The following LGR6 variants were observed in gnomAD, a reference collection of about 807,000 sequenced individuals.
LGR6 encodes leucine rich repeat containing G protein-coupled receptor 6.
A neutral mutation model predicts 69.4 loss-of-function variants in LGR6; 45 were observed. The ratio of observed to expected loss-of-function variants is 0.65; its 90% CI spans 0.51 to 0.83. The LOEUF (loss-of-function observed/expected upper bound fraction) is 0.83. LGR6 is among the 40% of genes least tolerant of loss of function. The probability of loss-of-function intolerance (pLI) is 0.00; values close to 1 mark genes in which losing one functional copy is unlikely to be tolerated. For synonymous variants in LGR6, 538 were observed against 555.0 expected, an observed-to-expected ratio of 0.97 and a Z score of 0.43; for missense variants, 1,108 against 1,246.7, an observed-to-expected ratio of 0.89 and a Z score of 1.68.
chr1:202,318,968 C>T lies in LGR6; in HGVS notation c.2665C>T (p.Pro889Ser). ...ILEASEAGRP[P>S]GLETYGFPSV... ...GGAAGCTTCTGAAGCTGGGCGGCCC[C>T]CTGGGCTGGAGACCTATGGCTTCCC... is the stretch of plus-strand genomic sequence containing the variant. The change falls in exon 18 of 18, where the codon CCT (proline) becomes TCT (serine). Residue 889 changes from proline to serine, a missense_variant. Physicochemically the swap from Pro to Ser is moderately conservative, Grantham distance 74 (BLOSUM62 -1). Coordinates refer to ENST00000367278, the MANE Select transcript of LGR6 (RefSeq NM_001017403.2). 1 of 1,613,784 alleles carries T rather than the reference C, an allele frequency of 6.2e-7. No individual in the cohort carries two copies. Among genetic ancestry groups the T allele is most frequent in the Non-Finnish European group, 8.5e-7 (1 of 1,179,812 alleles).
chr1:202,302,105 T>C (rs1667645843), intron 9 of LGR6, among the ~76,000 whole-genome samples: 1 of 152,156 alleles, frequency 6.6e-6, no homozygotes, highest in Non-Finnish European at 1.5e-5. Flanking sequence ...GGCAGGAGAA[T>C]TGCTTGAACC....
chr1:202,204,208 T>C (rs1192284829), intron 1 of LGR6, among the ~76,000 whole-genome samples: 1 of 131,004 alleles, frequency 7.6e-6, no homozygotes, highest in African/African-American at 2.8e-5. Flanking sequence ...AGACACCTCC[T>C]TCAAGCACAC....
chr1:202,304,671 C>G, intron 11 of LGR6, 41 bp downstream of exon 11: 1 of 1,518,198 alleles, frequency 6.6e-7, no homozygotes, highest in Non-Finnish European at 9.1e-7. Flanking sequence ...GCATTGTGCC[C>G]CTACCCCCAT....
At chr1:202,258,442 T>A (rs1663959927) in intron 4 of LGR6, among the ~76,000 whole-genome samples, 1 of 152,032 alleles carries the variant, frequency 6.6e-6, no homozygotes, top group African/African-American at 2.4e-5. Flanking sequence ...CCTACAAGAT[T>A]TATTATTTCT....
intron 4 of LGR6, among the ~76,000 whole-genome samples, chr1:202,275,698 A>C (rs1665487908): frequency 6.6e-6 from 1 of 152,192 alleles, no homozygotes; most frequent in South Asian, 2.1e-4. Flanking sequence ...GATGGGTGAC[A>C]GGGAAGGGCT....
chr1:202,315,914 G>T (rs547143537), intron 17 of LGR6, among the ~76,000 whole-genome samples: 2 of 152,196 alleles, frequency 1.3e-5, no homozygotes, highest in Admixed American at 6.5e-5. Context: ...CCAGTAATCA[G>T]CAGGGATGAG....
At chr1:202,205,220 A>C (rs188468067) in intron 1 of LGR6, among the ~76,000 whole-genome samples, 98 of 20,340 alleles carry the variant, frequency 4.8e-3, no homozygotes, top group Non-Finnish European at 6.9e-3. Context: ...ACACACACAC[A>C]CCCTCCAAAC....
At chr1:202,196,910 G>A in intron 1 of LGR6, 1 of 426,670 alleles carries the variant, frequency 2.3e-6, no homozygotes, top group Non-Finnish European at 4.8e-6. Context: ...TGGGGACTTG[G>A]AGCCCAACCA....
chr1:202,274,931 A>C (rs1162097706), intron 4 of LGR6, among the ~76,000 whole-genome samples: 2 of 152,192 alleles, frequency 1.3e-5, no homozygotes, highest in Non-Finnish European at 2.9e-5. Context: ...CCAAGACTTC[A>C]GTGTTGGCCT....
intron 13 of LGR6, 51 bp downstream of exon 13, chr1:202,306,990 T>A: frequency 6.9e-7 from 1 of 1,447,244 alleles, no homozygotes; most frequent in Non-Finnish European, 9.7e-7. Context: ...CGTGTCCCTC[T>A]GCTAGGCATG....
intron 4 of LGR6, among the ~76,000 whole-genome samples, chr1:202,251,381 A>G (rs1663229075): frequency 6.6e-6 from 1 of 152,240 alleles, no homozygotes; most frequent in Admixed American, 6.5e-5. Flanking sequence ...CTATATGAGG[A>G]TGATCTATGT....
chr1:202,213,793 AAAC>A (rs1311833599), intron 1 of LGR6, among the ~76,000 whole-genome samples: 1 of 152,148 alleles, frequency 6.6e-6, no homozygotes, highest in Non-Finnish European at 1.5e-5. Context: ...GTCCAATATC[AAAC>A]AACTGCTAAG....
chr1:202,281,954 G>A (rs376949639), intron 6 of LGR6, among the ~76,000 whole-genome samples: 25 of 152,324 alleles, frequency 1.6e-4, no homozygotes, highest in Admixed American at 2.6e-4. Context: ...CTGGGCTAAT[G>A]GCATTTGTGG....
At chr1:202,306,698 C>A in intron 12 of LGR6, 170 bp from the exon 13 acceptor site, 2 of 683,924 alleles carry the variant, frequency 2.9e-6, no homozygotes, top group Non-Finnish European at 5.1e-6. Context: ...CCAAGGCAAC[C>A]GGATCCCCTT....
At chr1:202,273,106 G>C (rs536204478) in intron 4 of LGR6, among the ~76,000 whole-genome samples, 1 of 152,214 alleles carries the variant, frequency 6.6e-6, no homozygotes, top group East Asian at 1.9e-4. Context: ...GGGCCTTGGG[G>C]GGCTTAATCT....
chr1:202,232,495 G>A (rs1377989262), intron 3 of LGR6, among the ~76,000 whole-genome samples: 3 of 152,056 alleles, frequency 2.0e-5, no homozygotes, highest in Non-Finnish European at 4.4e-5. Context: ...AGATTTAACT[G>A]GGCTTCAGTG....
At chr1:202,288,771 C>T (rs1666583928) in intron 6 of LGR6, among the ~76,000 whole-genome samples, 1 of 152,202 alleles carries the variant, frequency 6.6e-6, no homozygotes, top group Non-Finnish European at 1.5e-5. Context: ...CCCTTTGGTC[C>T]AGGTCACCTT....
chr1:202,280,732 C>A (rs373878976), intron 5 of LGR6, 49 bp from the exon 6 acceptor site: 9 of 1,550,676 alleles, frequency 5.8e-6, no homozygotes, highest in African/African-American at 4.1e-5. Context: ...CATCCCCTGG[C>A]CCCAGTGCCG....
chr1:202,264,015 G>C (rs1454134493), intron 4 of LGR6, among the ~76,000 whole-genome samples: 6 of 152,172 alleles, frequency 3.9e-5, no homozygotes, highest in African/African-American at 1.4e-4. Flanking sequence ...GTCTGTGTGA[G>C]TGGATGGACG....
Sources: gnomAD v4.1 joint callset for allele counts (sites outside exome capture counted in the v4.1 genomes callset) on GRCh38, gnomAD v4.1.1 for gene constraint, MANE v1.5 for transcripts, NCBI Gene and HGNC (gene_info 2026-07-23, HGNC 2026-07-21) for gene names.